Variants in COL11A1 observed in about 807,000 individuals in gnomAD.
COL11A1 encodes the protein collagen type XI alpha 1 chain.
In COL11A1, 74 loss-of-function variants were observed where a neutral mutation model predicts 265.2. That is an observed-to-expected ratio of 0.28 (90% CI 0.23 to 0.34). The LOEUF (loss-of-function observed/expected upper bound fraction) is 0.34, where lower values mean the gene tolerates loss of function less well. Among genes scored for constraint, COL11A1 ranks in the 10% least tolerant of loss-of-function variants. The pLI, the probability that COL11A1 is intolerant of heterozygous loss-of-function variation, is 1.00. For missense variants in COL11A1, 2,165 were observed against 2,263.6 expected (o/e 0.96, Z 0.88); for synonymous variants, 816 against 727.6 (o/e 1.12, Z -1.96).
intron 1 of COL11A1, among the ~76,000 whole-genome samples, chr1:103,106,609 C>T (rs189133157): frequency 1.0e-3 from 157 of 152,278 alleles, no homozygotes; most frequent in Admixed American, 2.8e-3. Context: ...CAAAGACACT[C>T]TTATCTATCC....
chr1:102,936,567 A>G (rs1355993786), intron 44 of COL11A1, among the ~76,000 whole-genome samples: 1 of 152,198 alleles, frequency 6.6e-6, no homozygotes, highest in African/African-American at 2.4e-5. Context: ...GAAATGTCTC[A>G]TCTGCCATTG....
rs1019696580 is a variant in COL11A1 at position 103,092,122 on chromosome 1, C to G, written c.107-9150G>C. Among the ~76,000 whole-genome samples the G allele has an allele frequency of 4.6e-5, 7 of 152,146 alleles. No individual in the cohort carries two copies. In the East Asian group the frequency reaches 7.7e-4, roughly 17 times the overall value. The stretch of plus-strand genomic sequence containing the variant: ...GAAAAAGTGTGACTTCCAGCAAAAT[C>G]AATTGTATCAGCATCCCATTGTTGC... On this transcript the variant is annotated intron_variant, in intron 1 of 66. Coordinates refer to ENST00000370096, the MANE Select transcript of COL11A1 (RefSeq NM_001854.4).
At chr1:102,905,108 C>T (rs988276160) in intron 54 of COL11A1, among the ~76,000 whole-genome samples, 2 of 150,476 alleles carry the variant, frequency 1.3e-5, no homozygotes, top group African/African-American at 4.9e-5. Flanking sequence ...TCATTCTCAG[C>T]AAACTATCGC....
At chr1:103,077,114 C>A (rs12142411) in intron 3 of COL11A1, among the ~76,000 whole-genome samples, 1 of 151,954 alleles carries the variant, frequency 6.6e-6, no homozygotes, top group Non-Finnish European at 1.5e-5. Flanking sequence ...TAGGTATTAA[C>A]TGTATTCAAC....
intron 5 of COL11A1, among the ~76,000 whole-genome samples, chr1:103,028,472 T>A (rs1195562913): frequency 1.3e-5 from 2 of 152,182 alleles, no homozygotes; most frequent in Non-Finnish European, 2.9e-5. Flanking sequence ...TAAAGCCTCA[T>A]AACATATTTT....
intron 47 of COL11A1, among the ~76,000 whole-genome samples, chr1:102,921,859 A>T (rs1471501590): frequency 6.6e-6 from 1 of 152,246 alleles, no homozygotes; most frequent in Non-Finnish European, 1.5e-5. Context: ...CAATATAACT[A>T]GATATATTTC....
intron 1 of COL11A1, among the ~76,000 whole-genome samples, chr1:103,088,925 C>A (rs145021654): frequency 5.9e-5 from 9 of 152,120 alleles, no homozygotes; most frequent in Admixed American, 6.5e-5. Context: ...CTTCATCATG[C>A]ATTCACTGCC....
At chr1:103,046,008 C>T (rs866899495) in intron 4 of COL11A1, among the ~76,000 whole-genome samples, 3 of 151,306 alleles carry the variant, frequency 2.0e-5, no homozygotes, top group Non-Finnish European at 2.9e-5. Context: ...TTTCTTAATC[C>T]AGTCTATCGT....
At chr1:103,086,623 A>G (rs936326047) in intron 1 of COL11A1, among the ~76,000 whole-genome samples, 18 of 151,820 alleles carry the variant, frequency 1.2e-4, no homozygotes, top group Non-Finnish European at 2.1e-4. Context: ...TCACAGTGTT[A>G]GCCAGGATGG....
intron 4 of COL11A1, among the ~76,000 whole-genome samples, chr1:103,073,741 C>G (rs576542940): frequency 2.7e-4 from 41 of 151,934 alleles, no homozygotes; most frequent in African/African-American, 9.6e-4. Context: ...AGCTGATGCT[C>G]TGAATGAACA....
chr1:103,042,076 A>G (rs1246557578), intron 4 of COL11A1, among the ~76,000 whole-genome samples: 1 of 152,094 alleles, frequency 6.6e-6, no homozygotes, highest in African/African-American at 2.4e-5. Context: ...TCTAACTTGT[A>G]CAAGGATTTT....
rs1041388473 is a variant in COL11A1 at position 102,946,876 on chromosome 1, A to G, written c.3249T>C (p.Pro1083=). The G allele has an allele frequency of 6.2e-7, 1 of 1,613,460 alleles. No individual in the cohort carries two copies. The highest frequency in any genetic ancestry group is 1.3e-5 in the African/African-American group (1 of 74,910). The change falls in exon 42 of 67, where the codon CCT becomes CCC. Residue 1083 remains proline, a synonymous_variant. Transcript: ENST00000370096. ...GAGCACCTTTCTCTCCAGCTGGACCAGGAGGACCCTGAGGTCCCGGGCGCC... is the reference window on the plus strand; with the variant it reads ...GAGCACCTTTCTCTCCAGCTGGACCGGGAGGACCCTGAGGTCCCGGGCGCC... ...LPGRPGPQGP[P]GPAGEKGAPG...
chr1:103,053,320 A>G (rs6697020), intron 4 of COL11A1, among the ~76,000 whole-genome samples: 3,569 of 152,252 alleles, frequency 0.023, 153 homozygotes, highest in African/African-American at 0.082. Context: ...CAAAAGGTCA[A>G]TAAAGTCCCA....
chr1:103,014,669 A>AT, intron 12 of COL11A1, 75 bp from the exon 13 acceptor site: 1 of 1,215,336 alleles, frequency 8.2e-7, no homozygotes, highest in Non-Finnish European at 1.2e-6. Flanking sequence ...TGATCATTAG[A>AT]TAAAAACCAC....
intron 46 of COL11A1, among the ~76,000 whole-genome samples, chr1:102,931,429 C>G (rs1338369953): frequency 2.6e-5 from 4 of 151,180 alleles, no homozygotes; most frequent in African/African-American, 9.8e-5. Context: ...ATCCTGAGTT[C>G]TAGTTTGATT....
At chr1:103,034,320 T>G (rs926498418) in intron 4 of COL11A1, among the ~76,000 whole-genome samples, 3 of 152,122 alleles carry the variant, frequency 2.0e-5, no homozygotes, top group Admixed American at 6.6e-5. Context: ...ACTCCTATTA[T>G]GCCTATTTTG....
At chr1:102,955,357 C>T (rs1251338321) in intron 41 of COL11A1, among the ~76,000 whole-genome samples, 2 of 152,040 alleles carry the variant, frequency 1.3e-5, no homozygotes, top group East Asian at 3.9e-4. Flanking sequence ...AAAATAAAGT[C>T]AGAATCATGG....
intron 37 of COL11A1, among the ~76,000 whole-genome samples, chr1:102,969,067 G>T (rs1032821622): frequency 1.1e-4 from 16 of 152,206 alleles, no homozygotes; most frequent in African/African-American, 3.9e-4. Context: ...GTTTATTTCT[G>T]CTCCTCATAC....
intron 54 of COL11A1, among the ~76,000 whole-genome samples, chr1:102,911,184 T>C (rs1654630260): frequency 6.6e-6 from 1 of 152,168 alleles, no homozygotes; most frequent in Non-Finnish European, 1.5e-5. Context: ...GAAAATGTAC[T>C]TGGCCAATGA....
Sources: allele counts gnomAD v4.1 joint callset (sites outside exome capture counted in the v4.1 genomes callset), GRCh38; gene constraint gnomAD v4.1.1; transcripts MANE v1.5; gene names NCBI Gene and HGNC (gene_info 2026-07-23, HGNC 2026-07-21).